Variants in FRA10AC1 observed in about 807,000 individuals in gnomAD.
The protein encoded by FRA10AC1 is protein FRA10AC1.
A neutral mutation model predicts 56.5 loss-of-function variants in FRA10AC1; 43 were observed. The ratio of observed to expected loss-of-function variants is 0.76; its 90% CI spans 0.60 to 0.98. The LOEUF (loss-of-function observed/expected upper bound fraction) is 0.98. Among genes scored for constraint, FRA10AC1 ranks in the 50% least tolerant of loss-of-function variants. FRA10AC1 has a pLI of 0.00. For missense variants in FRA10AC1, 346 were observed against 351.8 expected (o/e 0.98, Z 0.13); for synonymous variants, 112 against 110.5 (o/e 1.01, Z -0.09).
At chr10:93,690,092 AG>A (rs1467350899) in intron 7 of FRA10AC1, among the ~76,000 whole-genome samples, 1 of 152,192 alleles carries the variant, frequency 6.6e-6, no homozygotes, top group Non-Finnish European at 1.5e-5. Flanking sequence ...TATATATATT[AG>A]GAGCTGGTTT....
chr10:93,677,693 T>C (rs927893373), intron 11 of FRA10AC1, among the ~76,000 whole-genome samples: 5 of 152,182 alleles, frequency 3.3e-5, no homozygotes, highest in African/African-American at 1.2e-4. Context: ...GTTGAACCAA[T>C]GCAGAACAAT....
Position 93,692,049 on chromosome 10 carries a change from T to C in FRA10AC1, c.425A>G (p.Glu142Gly). Reference sequence around the variant, plus strand: ...TTTACTGAGATCTGCTATGCAGTATTCCTTAAATAATTTATCATAGTATTT... The same window carrying C: ...TTTACTGAGATCTGCTATGCAGTATCCCTTAAATAATTTATCATAGTATTT... ...AKKYYDKLFK[E>G]YCIADLSKYK... The change falls in exon 7 of 14, where the codon GAA becomes GGA. Residue 142 changes from glutamate to glycine, a missense_variant. Physicochemically the swap from Glu to Gly is moderately conservative, Grantham distance 98. Transcript: ENST00000359204. 2 of 1,565,180 alleles carry C rather than the reference T, an allele frequency of 1.3e-6. No homozygotes were observed. The highest frequency in any genetic ancestry group is 2.4e-5 in the South Asian group (2 of 82,268).
intron 7 of FRA10AC1, among the ~76,000 whole-genome samples, chr10:93,688,344 G>T (rs2059065948): frequency 6.6e-6 from 1 of 152,166 alleles, no homozygotes; most frequent in Non-Finnish European, 1.5e-5. Flanking sequence ...AGTTGCCAGG[G>T]ATTAGGAAGG....
Position 93,669,861 on chromosome 10 carries a change from C to T in FRA10AC1, c.913G>A (p.Glu305Lys). 6.4e-7 allele frequency: 1 copy of T among 1,565,866 alleles called. No homozygotes were observed. Among genetic ancestry groups the T allele is most frequent in the Middle Eastern group, 1.8e-4 (1 of 5,670 alleles). Reference sequence around the variant, plus strand: ...AAATCCTGAAAATACTCATCAAATTCTTCTTCCCTATTTAAAAAAAAAAGC... The same window carrying T: ...AAATCCTGAAAATACTCATCAAATTTTTCTTCCCTATTTAAAAAAAAAAGC... ...PETDEKSQEE[E>K]FDEYFQDLFL Residue 305 changes from glutamate to lysine, a missense_variant, in exon 14 of 14, where the codon GAA (glutamate) becomes AAA (lysine). By Grantham distance (56) the Glu-to-Lys change is moderately conservative. Transcript: ENST00000359204.
At chr10:93,700,154 G>A (rs762729772) in intron 1 of FRA10AC1, 48 bp from the exon 2 acceptor site, 7 of 1,043,470 alleles carry the variant, frequency 6.7e-6, no homozygotes, top group Non-Finnish European at 8.7e-6. Context: ...GTTGCCAATT[G>A]TCCAGGAAAC....
Position 93,700,024 on chromosome 10 carries a change from A to T in FRA10AC1, c.77+6T>A, listed in dbSNP as rs1394848118. 1.5e-5 allele frequency: 23 copies of T among 1,486,572 alleles called. No individual in the cohort carries two copies. The highest frequency in any genetic ancestry group is 2.1e-5 in the Non-Finnish European group (23 of 1,071,842). The allele number at this position is 1,486,572 out of a possible 1,614,324, so 92.1% of individuals were successfully genotyped here. ...AAAAATAGATCAATAAAAAAAAATTACTTACCTTTTTTTCCTTTTGCTGGA... is the reference window on the plus strand; with the variant it reads ...AAAAATAGATCAATAAAAAAAAATTTCTTACCTTTTTTTCCTTTTGCTGGA... On this transcript the variant is annotated splice_donor_region_variant and intron_variant, in intron 2 of 13. Coordinates refer to ENST00000359204, the MANE Select transcript of FRA10AC1 (RefSeq NM_145246.5).
chr10:93,673,326 T>C (rs2058795183), intron 12 of FRA10AC1: 2 of 456,566 alleles, frequency 4.4e-6, no homozygotes, highest in South Asian at 3.1e-5. Flanking sequence ...TTCCCTCCCA[T>C]CCTTTCACTC....
chr10:93,695,694 T>C (rs2059220776), intron 4 of FRA10AC1, among the ~76,000 whole-genome samples: 1 of 151,774 alleles, frequency 6.6e-6, no homozygotes, highest in East Asian at 1.9e-4. Context: ...AATCAGATTA[T>C]GGTATTTCCA....
In FRA10AC1 at chr10:93,702,373, A is replaced by G. The variant is rs912271233; in HGVS notation, c.-1+2T>C. On this transcript the variant is annotated splice_donor_variant, in intron 1 of 13. Transcript: ENST00000359204. LOFTEE classifies it low-confidence loss of function (5UTR_SPLICE). ...AATATACCCACAGCCCTCCTCACACACCCTTTCCCTTCCTCCCTGTGTGCC... is the reference window on the plus strand; with the variant it reads ...AATATACCCACAGCCCTCCTCACACGCCCTTTCCCTTCCTCCCTGTGTGCC... 1 of 158,606 alleles carries G rather than the reference A, an allele frequency of 6.3e-6. No homozygotes were observed. Among genetic ancestry groups the G allele is most frequent in the African/African-American group, 2.4e-5 (1 of 41,212 alleles). 9.8% of individuals were successfully genotyped at this position (158,606 alleles called of 1,614,324 possible). A position where few individuals can be genotyped will look rare whatever the true frequency, so the allele number is the denominator to read the frequency against.
chr10:93,676,603 T>G, intron 12 of FRA10AC1, 50 bp downstream of exon 12: 1 of 1,511,696 alleles, frequency 6.6e-7, no homozygotes, highest in East Asian at 2.5e-5. Flanking sequence ...AAATCTAAAT[T>G]GCAAATACCT....
chr10:93,689,059 GGTT>G (rs766377852), intron 7 of FRA10AC1, among the ~76,000 whole-genome samples: 6,962 of 109,860 alleles, frequency 0.063, 216 homozygotes, highest in Non-Finnish European at 0.092. Flanking sequence ...TTTGTTGTGG[GGTT>G]TTTTTTTTTT....
chr10:93,692,565 A>C (rs2059142400), intron 6 of FRA10AC1, 81 bp downstream of exon 6: 5 of 831,084 alleles, frequency 6.0e-6, no homozygotes, highest in Non-Finnish European at 1.0e-5. Flanking sequence ...GGGGCTGAAC[A>C]CCTTGACTAA....
chr10:93,675,183 C>A (rs2058821689), intron 12 of FRA10AC1: 1 of 152,160 alleles, frequency 6.6e-6, no homozygotes, highest in African/African-American at 2.4e-5. Context: ...ACATCTCCCT[C>A]TCTGCTAAAT....
At chr10:93,697,839 G>A (rs553734755) in intron 4 of FRA10AC1, among the ~76,000 whole-genome samples, 35 of 152,144 alleles carry the variant, frequency 2.3e-4, no homozygotes, top group Middle Eastern at 3.4e-3. Context: ...TATAGGAAAA[G>A]GAAATGTTGA....
Position 93,690,087 on chromosome 10 carries a change from A to G in FRA10AC1, c.465+1922T>C, listed in dbSNP as rs74879465. 4.9e-3 allele frequency among the ~76,000 whole-genome samples: 748 copies of G among 152,324 alleles called. 4 individuals carry two copies. The highest frequency in any genetic ancestry group is 8.1e-3 in the Non-Finnish European group (551 of 68,026). The stretch of plus-strand genomic sequence containing the variant: ...AATGCTCTAAAAGTATCTACTATAT[A>G]TATTAGGAGCTGGTTTTAATTAACT... On this transcript the variant is annotated intron_variant, in intron 7 of 13. Transcript: ENST00000359204.
At chr10:93,700,565 T>A (rs2059313638) in intron 1 of FRA10AC1, among the ~76,000 whole-genome samples, 1 of 152,242 alleles carries the variant, frequency 6.6e-6, no homozygotes, top group Non-Finnish European at 1.5e-5. Context: ...TAATCAAAGT[T>A]AAGTAAATCT....
chr10:93,683,673 G>A (rs1285635342), intron 10 of FRA10AC1, among the ~76,000 whole-genome samples: 3 of 152,154 alleles, frequency 2.0e-5, no homozygotes, highest in Non-Finnish European at 2.9e-5. Context: ...TTTAAAATGA[G>A]TATAGAGGTG....
rs1020202042 is a variant in FRA10AC1 at position 93,670,275 on chromosome 10, T to C, written c.906-407A>G. Among the ~76,000 whole-genome samples the C allele has an allele frequency of 2.0e-4, 30 of 152,140 alleles. 1 individual carries two copies. The highest frequency in any genetic ancestry group is 1.6e-3 in the Admixed American group (25 of 15,252). On this transcript the variant is annotated intron_variant, in intron 13 of 13. Transcript: ENST00000359204. ...AGGAAAAATGTAAGCCTAAGTTATA[T>C]TGGGGAATAACTAAGGGGAATTGGG...
chr10:93,692,833 TGAA>T (rs968854997), intron 5 of FRA10AC1, 104 bp from the exon 6 acceptor site: 81 of 591,026 alleles, frequency 1.4e-4, no homozygotes, highest in African/African-American at 1.4e-3. Flanking sequence ...ATATAATACA[TGAA>T]GATAGTTTTT....
Sources: gnomAD v4.1 joint callset for allele counts (sites outside exome capture counted in the v4.1 genomes callset) on GRCh38, gnomAD v4.1.1 for gene constraint, MANE v1.5 for transcripts, NCBI Gene and HGNC (gene_info 2026-07-23, HGNC 2026-07-21) for gene names.